Variants in COL4A1 observed in about 807,000 individuals in gnomAD.
The protein encoded by COL4A1 is collagen type IV alpha 1 chain.
In COL4A1, 40 loss-of-function variants were observed where a neutral mutation model predicts 216.6. That is an observed-to-expected ratio of 0.18 (90% CI 0.14 to 0.24). The LOEUF is 0.24. Ranked by LOEUF, COL4A1 falls within the 10% of genes least tolerant of loss-of-function variation. COL4A1 has a pLI of 1.00. For synonymous variants in COL4A1, 839 were observed against 810.7 expected, an observed-to-expected ratio of 1.03 and a Z score of -0.59; for missense variants, 1,628 against 2,196.8, an observed-to-expected ratio of 0.74 and a Z score of 5.18.
chr13:110,172,142 G>A (rs1877673775), intron 41 of COL4A1, among the ~76,000 whole-genome samples: 2 of 152,248 alleles, frequency 1.3e-5, no homozygotes, highest in Non-Finnish European at 2.9e-5. Flanking sequence ...CATGGATGCT[G>A]TGTGTGAGCT....
chr13:110,268,259 T>G lies in COL4A1; in HGVS notation c.85-25525A>C, dbSNP rs1243798952. On this transcript the variant is annotated intron_variant, in intron 1 of 51. Coordinates refer to ENST00000375820, the MANE Select transcript of COL4A1 (RefSeq NM_001845.6). The surrounding 1 kb of genome is among the most constrained non-coding windows in gnomAD (Gnocchi z 4.1). Reference sequence around the variant, plus strand: ...TCCAAAACCAGGAAAGGCATATGGATGACGAATGGCTCTGCACACTCCTGT... The same window carrying G: ...TCCAAAACCAGGAAAGGCATATGGAGGACGAATGGCTCTGCACACTCCTGT... 6.6e-6 allele frequency among the ~76,000 whole-genome samples: 1 copy of G among 152,104 alleles called. No individual in the cohort carries two copies. Among genetic ancestry groups the G allele is most frequent in the African/African-American group, 2.4e-5 (1 of 41,414 alleles).
At chr13:110,280,574 C>G (rs953225107) in intron 1 of COL4A1, among the ~76,000 whole-genome samples, 8 of 152,250 alleles carry the variant, frequency 5.3e-5, no homozygotes, top group Middle Eastern at 3.2e-3. Context: ...TTTGGCTTAG[C>G]AGCGCCGCAT....
chr13:110,254,304 G>A (rs1453252186), intron 1 of COL4A1, among the ~76,000 whole-genome samples: 1 of 152,150 alleles, frequency 6.6e-6, no homozygotes, highest in Non-Finnish European at 1.5e-5. Flanking sequence ...TAGGTTTACT[G>A]GACGGCTAGC....
chr13:110,170,666 T>G lies in COL4A1; in HGVS notation c.3623A>C (p.Glu1208Ala), dbSNP rs768049987. ...CCCCGGAGGACCCATGAATCCTTGC[T>G]CTCCTTTGGATCCAGGAATTCCTGG... The part of the protein sequence containing the change: ...GSPGIPGSKG[E>A]QGFMGPPGPQ... Residue 1208 changes from glutamate (E) to alanine (A), a missense_variant, in exon 42 of 52, where the codon GAG (glutamate) becomes GCG (alanine). Physicochemically the swap from Glu to Ala is moderately radical, Grantham distance 107. This residue lies in a region of COL4A1 where 345 missense variants were observed against 476.9 expected (regional missense o/e 0.72). Transcript: ENST00000375820. 12 of 1,614,024 alleles carry G rather than the reference T, an allele frequency of 7.4e-6. No homozygotes were observed. The South Asian group carries it at 1.2e-4, about 16-fold the overall frequency.
rs1879856445 is a variant in COL4A1, at chr13:110,212,486, T to C, written c.325-7A>G. On this transcript the variant is annotated splice_region_variant and splice_polypyrimidine_tract_variant and intron_variant, in intron 5 of 51. Coordinates refer to ENST00000375820, the MANE Select transcript of COL4A1 (RefSeq NM_001845.6). Reference sequence around the variant, plus strand: ...CGTCTTGGCCAGGAATTCCCTGCAATGAAGAAAGTGAAAATGTAACCCAGG... The same window carrying C: ...CGTCTTGGCCAGGAATTCCCTGCAACGAAGAAAGTGAAAATGTAACCCAGG... 6.2e-7 allele frequency: 1 copy of C among 1,614,044 alleles called. No homozygotes were observed. The highest frequency in any genetic ancestry group is 1.3e-5 in the African/African-American group (1 of 74,908).
chr13:110,155,746 A>T (rs555286989), intron 49 of COL4A1, among the ~76,000 whole-genome samples: 187 of 152,328 alleles, frequency 1.2e-3, no homozygotes, highest in African/African-American at 4.3e-3. Context: ...CGCTGTCTCT[A>T]CTAAAAATAC....
intron 42 of COL4A1, 152 bp downstream of exon 42, chr13:110,170,395 A>C (rs1441429963): frequency 1.2e-6 from 1 of 823,390 alleles, no homozygotes; most frequent in African/African-American, 1.7e-5. Context: ...CTTTGACTCG[A>C]TGGGGGCCAA....
At chr13:110,158,503 A>G (rs776011962) in intron 49 of COL4A1, among the ~76,000 whole-genome samples, 1 of 152,088 alleles carries the variant, frequency 6.6e-6, no homozygotes, top group Non-Finnish European at 1.5e-5. Flanking sequence ...GACTCCAAGC[A>G]TTTGCTTCCC....
At chr13:110,170,458 A>G (rs913144361) in intron 42 of COL4A1, 89 bp downstream of exon 42, 20 of 1,400,410 alleles carry the variant, frequency 1.4e-5, no homozygotes, top group Non-Finnish European at 1.9e-5. Flanking sequence ...AAAAAGCCCA[A>G]TTGAGAATTT....
chr13:110,155,136 C>T (rs1268937003), intron 50 of COL4A1, 147 bp downstream of exon 50: 27 of 726,200 alleles, frequency 3.7e-5, no homozygotes, highest in Non-Finnish European at 6.2e-5. Flanking sequence ...TTGAGGCATG[C>T]TTTGGAAGGG....
rs41275104 is a variant in COL4A1, at chr13:110,242,745, A to G, written c.85-11T>C. 0.2 allele frequency: 324,678 copies of G among 1,613,186 alleles called. 35,354 individuals are homozygous for G. The highest frequency in any genetic ancestry group is 0.36 in the African/African-American group (26,641 of 74,958). ...GCCAGCACAGCCACCCTGGAAGGAAAAGAAAACTTCTTTAAATAGAAGAAC... is the reference window on the plus strand; with the variant it reads ...GCCAGCACAGCCACCCTGGAAGGAAGAGAAAACTTCTTTAAATAGAAGAAC... On this transcript the variant is annotated splice_polypyrimidine_tract_variant and intron_variant, in intron 1 of 51. Coordinates refer to ENST00000375820, the MANE Select transcript of COL4A1 (RefSeq NM_001845.6).
rs1224899604 is a variant in COL4A1 at position 110,207,542 on chromosome 13, A to G, written c.694-53T>C. 3 of 1,450,362 alleles carry G rather than the reference A, an allele frequency of 2.1e-6. No homozygotes were observed. Among genetic ancestry groups the G allele is most frequent in the Non-Finnish European group, 2.9e-6 (3 of 1,032,324 alleles). The allele number at this position is 1,450,362 out of a possible 1,614,324, so 89.8% of individuals were successfully genotyped here. On this transcript the variant is annotated intron_variant, in intron 12 of 51. Coordinates refer to ENST00000375820, the MANE Select transcript of COL4A1 (RefSeq NM_001845.6). The surrounding 1 kb of genome is among the most constrained non-coding windows in gnomAD (Gnocchi z 4.4). ...TAGGCATGAAAACAATTATGCAGAC[A>G]TGAAAAATTGCAGAGAGAGGTAAAA...
Position 110,201,433 on chromosome 13 carries a change from G to A in COL4A1, c.1084+5C>T, listed in dbSNP as rs74508743. 2.0e-5 allele frequency: 32 copies of A among 1,612,758 alleles called. No homozygotes were observed. Among genetic ancestry groups the A allele is most frequent in the Non-Finnish European group, 2.5e-5 (30 of 1,179,670 alleles). On this transcript the variant is annotated splice_donor_5th_base_variant and intron_variant, in intron 19 of 51. Transcript: ENST00000375820. ...GAGGAGGGGGGAAAAAGGCAAGAAA[G>A]CTACCTTTTGGGCCTGGCTCTCCTC...
chr13:110,300,805 G>A (rs1884461427), intron 1 of COL4A1, among the ~76,000 whole-genome samples: 2 of 152,194 alleles, frequency 1.3e-5, no homozygotes, highest in African/African-American at 4.8e-5. Flanking sequence ...AGCAACAGAA[G>A]ATGAGGAGGT....
chr13:110,301,236 G>A (rs1884478469), intron 1 of COL4A1, among the ~76,000 whole-genome samples: 1 of 152,238 alleles, frequency 6.6e-6, no homozygotes, highest in Admixed American at 6.5e-5. Context: ...GACACTCCGG[G>A]GGTGGGGAGG....
At position 110,253,797 on chromosome 13, in the gene COL4A1, G is replaced by A. The variant is rs139308905; in HGVS notation, c.85-11063C>T. ...GTATTATATATACGTATAATTATAC[G>A]TATATATGTATAATTATACGTATGT... is the stretch of plus-strand genomic sequence containing the variant. On this transcript the variant is annotated intron_variant, in intron 1 of 51. Coordinates refer to ENST00000375820, the MANE Select transcript of COL4A1 (RefSeq NM_001845.6). Among the ~76,000 whole-genome samples the A allele has an allele frequency of 2.8e-3, 192 of 69,308 alleles. 2 individuals carry two copies. The highest frequency in any genetic ancestry group is 7.7e-3 in the African/African-American group (185 of 24,044). 45.5% of individuals were successfully genotyped at this position (69,308 alleles called of 152,430 possible).
In COL4A1 at chr13:110,164,895, G is replaced by A. The variant is rs1245241149; in HGVS notation, c.4117C>T (p.Leu1373Phe). 1.9e-6 allele frequency: 3 copies of A among 1,610,158 alleles called. No homozygotes were observed. Among genetic ancestry groups the A allele is most frequent in the Non-Finnish European group, 1.7e-6 (2 of 1,178,296 alleles). Residue 1373 changes from leucine (L) to phenylalanine (F), a missense_variant, in exon 46 of 52, where the codon CTT becomes TTT. Transcript: ENST00000375820. The stretch of plus-strand genomic sequence containing the variant: ...CCTTTCGGGCCTGGCAGTCCCTGAA[G>A]CCCTTTCAGCCCTGGGGGGCCCTCA... ...GPEGPPGLKG[L>F]QGLPGPKGQQ...
At chr13:110,232,355 A>T (rs1373039222) in intron 2 of COL4A1, among the ~76,000 whole-genome samples, 2 of 152,220 alleles carry the variant, frequency 1.3e-5, no homozygotes, top group Non-Finnish European at 2.9e-5. Context: ...ACAAGGATGA[A>T]GGTCTGTTAA....
At chr13:110,159,806 T>C (rs1365230520) in intron 49 of COL4A1, among the ~76,000 whole-genome samples, 3 of 152,136 alleles carry the variant, frequency 2.0e-5, no homozygotes, top group Non-Finnish European at 4.4e-5. Flanking sequence ...TGCTATAATA[T>C]AGATGAACCC....
Sources: allele counts gnomAD v4.1 joint callset (sites outside exome capture counted in the v4.1 genomes callset), GRCh38; gene constraint gnomAD v4.1.1; regional missense constraint gnomAD v4.1.1; non-coding constraint Gnocchi (gnomAD v3.1); transcripts MANE v1.5; gene names NCBI Gene and HGNC (gene_info 2026-07-23, HGNC 2026-07-21).